ADCY10: variants seen among roughly 807,000 people sequenced by gnomAD.
ADCY10 encodes adenylate cyclase 10, also known as adenylate cyclase type 10.
A neutral mutation model predicts 183.3 loss-of-function variants in ADCY10; 156 were observed. That is an observed-to-expected ratio of 0.85 (90% CI 0.75 to 0.97). The LOEUF (loss-of-function observed/expected upper bound fraction) is 0.97. Ranked by LOEUF, ADCY10 falls within the 50% of genes least tolerant of loss-of-function variation. The pLI, the probability that ADCY10 is intolerant of heterozygous loss-of-function variation, is 0.00. For synonymous variants in ADCY10, 645 were observed against 670.0 expected (o/e 0.96, Z 0.58); for missense variants, 1,745 against 1,934.3 (o/e 0.90, Z 1.84).
intron 13 of ADCY10, among the ~76,000 whole-genome samples, chr1:167,873,505 T>C (rs753414994): frequency 6.6e-5 from 10 of 152,216 alleles, no homozygotes; most frequent in Non-Finnish European, 1.5e-4. Context: ...CTTTTGGGGA[T>C]GTTCGTGTCT....
At chr1:167,867,301 G>A (rs543083555) in intron 14 of ADCY10, among the ~76,000 whole-genome samples, 7 of 152,220 alleles carry the variant, frequency 4.6e-5, no homozygotes, top group African/African-American at 1.4e-4. Context: ...AGTCACACCC[G>A]GAAGCTGACT....
chr1:167,900,767 G>T (rs537555999), intron 5 of ADCY10, among the ~76,000 whole-genome samples: 1 of 152,168 alleles, frequency 6.6e-6, no homozygotes, highest in African/African-American at 2.4e-5. Flanking sequence ...CCTGACCTCA[G>T]GTGATCCACC....
At chr1:167,865,194 T>A (rs1209444471) in intron 14 of ADCY10, among the ~76,000 whole-genome samples, 3 of 152,202 alleles carry the variant, frequency 2.0e-5, no homozygotes, top group East Asian at 3.8e-4. Flanking sequence ...GTAAAAAGAT[T>A]AGAAGGAGGC....
At chr1:167,892,119 C>T (rs960612098) in intron 8 of ADCY10, among the ~76,000 whole-genome samples, 6 of 151,964 alleles carry the variant, frequency 3.9e-5, no homozygotes, top group African/African-American at 9.7e-5. Flanking sequence ...GCTACAGGCA[C>T]GTGCCACCAC....
intron 12 of ADCY10, 114 bp downstream of exon 12, chr1:167,878,332 A>G (rs1667620914): frequency 2.5e-6 from 3 of 1,212,602 alleles, no homozygotes; most frequent in Admixed American, 1.8e-5. Context: ...TGGGGAAAGC[A>G]TAGATTTCAA....
Position 167,861,023 on chromosome 1 carries a change from TTTGATGGAAGCTGA to T in ADCY10, c.1643_1656del (p.Ile548AsnfsTer19), listed in dbSNP as rs1485169415. 6.2e-7 allele frequency: 1 copy of T among 1,614,174 alleles called. No homozygotes were observed. Among genetic ancestry groups the T allele is most frequent in the South Asian group, 1.1e-5 (1 of 91,082 alleles). On this transcript the variant is annotated frameshift_variant, in exon 15 of 33. Transcript: ENST00000367851. LOFTEE classifies it high-confidence loss of function. ...ATGAACATCTGGATGGTATAGAAAG[TTTGATGGAAGCTGA>T]TCTTATTCAATGAAATGGCAATAAT... is the stretch of plus-strand genomic sequence containing the variant.
At chr1:167,859,340 A>G (rs1345972281) in intron 16 of ADCY10, among the ~76,000 whole-genome samples, 1 of 152,188 alleles carries the variant, frequency 6.6e-6, no homozygotes, top group African/African-American at 2.4e-5. Context: ...GTGTTTCTAC[A>G]TATAATCTAG....
At chr1:167,818,289 A>C in intron 30 of ADCY10, 22 bp from the exon 31 acceptor site, 2 of 1,604,730 alleles carry the variant, frequency 1.2e-6, no homozygotes, top group Non-Finnish European at 1.7e-6. Context: ...CAAGAGAATA[A>C]GAAAAATCAG....
intron 20 of ADCY10, 35 bp from the exon 21 acceptor site, chr1:167,845,888 G>A (rs769375241): frequency 1.2e-6 from 2 of 1,613,980 alleles, no homozygotes; most frequent in Non-Finnish European, 1.7e-6. Flanking sequence ...CAGCCAGGCA[G>A]TGGGCAACAG....
chr1:167,844,075 A>G (rs957523523), intron 21 of ADCY10, among the ~76,000 whole-genome samples: 1 of 152,248 alleles, frequency 6.6e-6, no homozygotes, highest in Non-Finnish European at 1.5e-5. Context: ...TTCAATTTCA[A>G]CATAATATTA....
chr1:167,895,744 G>C (rs1668929800), intron 7 of ADCY10, among the ~76,000 whole-genome samples: 1 of 152,170 alleles, frequency 6.6e-6, no homozygotes, highest in Admixed American at 6.5e-5. Context: ...CCTTGAGAGT[G>C]AGTGTCTGCT....
Position 167,880,497 on chromosome 1 carries a change from T to C in ADCY10, c.1133A>G (p.Lys378Arg). The change falls in exon 10 of 33, where the codon AAA becomes AGA. Residue 378 changes from lysine (K) to arginine (R), a missense_variant. By Grantham distance (26) the Lys-to-Arg change is conservative. Coordinates refer to ENST00000367851, the MANE Select transcript of ADCY10 (RefSeq NM_018417.6). Reference sequence around the variant, plus strand: ...GACCAGGGTCAATACTCACTGGATTTTGTGGACTTGAGAGCAGAAGTCAAA... The same window carrying C: ...GACCAGGGTCAATACTCACTGGATTCTGTGGACTTGAGAGCAGAAGTCAAA... ...DIFDFCSQVH[K>R]IQTVSIGVAS... 6.2e-7 allele frequency: 1 copy of C among 1,612,624 alleles called. No individual in the cohort carries two copies.
rs750802709 is a variant in ADCY10 at position 167,896,599 on chromosome 1, G to C, written c.735C>G (p.His245Gln). 6.2e-7 allele frequency: 1 copy of C among 1,609,824 alleles called. No individual in the cohort carries two copies. Among genetic ancestry groups the C allele is most frequent in the East Asian group, 2.2e-5 (1 of 44,858 alleles). Residue 245 changes from histidine to glutamine, a missense_variant, in exon 7 of 33, where the codon CAC becomes CAG. By Grantham distance (24) the His-to-Gln change is conservative. Transcript: ENST00000367851. ...TFMHYYPSGEHKNLLRLACTL... is the reference protein window; with the variant it reads ...TFMHYYPSGEQKNLLRLACTL... The stretch of plus-strand genomic sequence containing the variant: ...TTTTCCATGGTGGGTACTTACTTTT[G>C]TGCTCACCAGAAGGATAATAATGCA...
Position 167,829,172 on chromosome 1 carries a change from A to T in ADCY10, c.3750+95T>A. ...CAATCAGAAAGCCTTCTATTATTAT[A>T]TCCTCAGAATTTTGAATCCTAATTG... On this transcript the variant is annotated intron_variant, in intron 26 of 32. Transcript: ENST00000367851. 6 of 1,440,378 alleles carry T rather than the reference A, an allele frequency of 4.2e-6. No homozygotes were observed. In the South Asian group the frequency reaches 5.8e-5, roughly 14 times the overall value. 89.2% of individuals were successfully genotyped at this position (1,440,378 alleles called of 1,614,324 possible). A position where few individuals can be genotyped will look rare whatever the true frequency, so the allele number is the denominator to read the frequency against.
At chr1:167,835,299 T>G (rs1664116587) in intron 23 of ADCY10, among the ~76,000 whole-genome samples, 1 of 152,236 alleles carries the variant, frequency 6.6e-6, no homozygotes, top group East Asian at 1.9e-4. Flanking sequence ...TTCTGTGTCC[T>G]CTGAACAGAT....
At chr1:167,837,158 A>C in intron 22 of ADCY10, 91 bp downstream of exon 22, 1 of 1,252,004 alleles carries the variant, frequency 8.0e-7, no homozygotes, top group African/African-American at 1.5e-5. Context: ...AGAGGTCAAA[A>C]GTACTGGCCA....
Position 167,822,996 on chromosome 1 carries a change from A to G in ADCY10, c.4168+12T>C, listed in dbSNP as rs985519245. 1.9e-6 allele frequency: 3 copies of G among 1,612,154 alleles called. No individual in the cohort carries two copies. Among genetic ancestry groups the G allele is most frequent in the Non-Finnish European group, 2.5e-6 (3 of 1,178,386 alleles). On this transcript the variant is annotated intron_variant, in intron 29 of 32. Transcript: ENST00000367851. ...ACCCCCAAGTTCTTTTACATCCCAA[A>G]CCCACACTTACCAGAATAAAGCAGG...
chr1:167,829,354 G>C lies in ADCY10; in HGVS notation c.3663C>G (p.Tyr1221Ter). The C allele has an allele frequency of 6.2e-7, 1 of 1,614,178 alleles. No individual in the cohort carries two copies. Among genetic ancestry groups the C allele is most frequent in the Non-Finnish European group, 8.5e-7 (1 of 1,179,998 alleles). Residue 1221 changes from tyrosine (Y) to a stop codon, truncating the protein, a stop_gained, in exon 26 of 33, where the codon TAC (tyrosine) becomes TAG (stop). Transcript: ENST00000367851. LOFTEE classifies it high-confidence loss of function. ...AATACTTGCAGTGAAAAAGATAACTGTAGCTATAGATGCGCCACAGCAAGG... is the reference window on the plus strand; with the variant it reads ...AATACTTGCAGTGAAAAAGATAACTCTAGCTATAGATGCGCCACAGCAAGG... The part of the protein sequence containing the change: ...CLSLLWRIYS[Y>*]SYLFHCKYYA...
At chr1:167,868,187 G>A (rs1357867506) in intron 14 of ADCY10, among the ~76,000 whole-genome samples, 2 of 152,088 alleles carry the variant, frequency 1.3e-5, no homozygotes, top group African/African-American at 2.4e-5. Flanking sequence ...GCAATTAGCC[G>A]AGCATGTAGC....
Sources: gnomAD v4.1 joint callset for allele counts (sites outside exome capture counted in the v4.1 genomes callset) on GRCh38, gnomAD v4.1.1 for gene constraint, MANE v1.5 for transcripts, NCBI Gene and HGNC (gene_info 2026-07-23, HGNC 2026-07-21) for gene names.